Variants in MACROD2 observed in about 807,000 individuals in gnomAD.
MACROD2 encodes ADP-ribose glycohydrolase MACROD2.
In MACROD2, 36 loss-of-function variants were observed where a neutral mutation model predicts 70.4. The ratio of observed to expected loss-of-function variants is 0.51; its 90% confidence interval spans 0.39 to 0.68. The LOEUF (loss-of-function observed/expected upper bound fraction) is 0.68. MACROD2 is among the 30% of genes least tolerant of loss of function. The pLI is 0.00. For missense variants in MACROD2, 496 were observed against 538.4 expected (o/e 0.92, Z 0.78); for synonymous variants, 172 against 178.8 (o/e 0.96, Z 0.30).
chr20:16,023,707 T>C (rs73111714), intron 15 of MACROD2, among the ~76,000 whole-genome samples: 18,279 of 152,024 alleles, frequency 0.12, 1,340 homozygotes, highest in Middle Eastern at 0.19. Flanking sequence ...CTGTGAAGCA[T>C]TCTGTAGAAC....
chr20:15,645,170 C>G (rs958498714), intron 8 of MACROD2, among the ~76,000 whole-genome samples: 2 of 152,180 alleles, frequency 1.3e-5, no homozygotes, highest in African/African-American at 4.8e-5. Context: ...TTTACCTGAA[C>G]CACAGATCAG....
At chr20:14,858,871 A>G (rs1452515160) in intron 5 of MACROD2, among the ~76,000 whole-genome samples, 3 of 152,158 alleles carry the variant, frequency 2.0e-5, no homozygotes, top group Admixed American at 1.3e-4. Context: ...AGGTTGTTGT[A>G]AGGATTACAT....
At chr20:15,516,388 A>G (rs2047568022) in intron 8 of MACROD2, among the ~76,000 whole-genome samples, 2 of 152,316 alleles carry the variant, frequency 1.3e-5, no homozygotes, top group Non-Finnish European at 2.9e-5. Context: ...TTCACTGAGT[A>G]GCTGGCACAC....
At chr20:15,148,829 TTA>T (rs2076248606) in intron 5 of MACROD2, among the ~76,000 whole-genome samples, 1 of 152,052 alleles carries the variant, frequency 6.6e-6, no homozygotes, top group African/African-American at 2.4e-5. Flanking sequence ...TAAAAGACTT[TTA>T]GTCTGTTCTA....
At chr20:14,223,620 G>A (rs1430762494) in intron 3 of MACROD2, among the ~76,000 whole-genome samples, 1 of 150,012 alleles carries the variant, frequency 6.7e-6, no homozygotes, top group Non-Finnish European at 1.5e-5. Flanking sequence ...TGATTCTCCT[G>A]CCTCAGCCTC....
chr20:14,730,396 C>T (rs2123700886), intron 5 of MACROD2, among the ~76,000 whole-genome samples: 1 of 152,210 alleles, frequency 6.6e-6, no homozygotes, highest in East Asian at 1.9e-4. Context: ...TGAGAAAGGA[C>T]GACTCACCCA....
chr20:14,640,444 C>T (rs907520144), intron 4 of MACROD2, among the ~76,000 whole-genome samples: 4 of 152,074 alleles, frequency 2.6e-5, no homozygotes, highest in African/African-American at 9.7e-5. Flanking sequence ...CCCTAAGTCC[C>T]TGAGGATGCA....
At chr20:14,913,893 G>A (rs1230228609) in intron 5 of MACROD2, among the ~76,000 whole-genome samples, 3 of 144,304 alleles carry the variant, frequency 2.1e-5, no homozygotes, top group African/African-American at 7.7e-5. Context: ...CTTGGGGGAA[G>A]AATTAACCAA....
chr20:15,101,166 G>C (rs1018665681), intron 5 of MACROD2, among the ~76,000 whole-genome samples: 1 of 152,014 alleles, frequency 6.6e-6, no homozygotes, highest in African/African-American at 2.4e-5. Context: ...GCATTAAAAA[G>C]GTATTTAGAA....
chr20:15,809,029 A>G (rs1051581705), intron 8 of MACROD2, among the ~76,000 whole-genome samples: 2 of 152,252 alleles, frequency 1.3e-5, no homozygotes, highest in African/African-American at 4.8e-5. Context: ...GAGATCACTA[A>G]GCCGACAAGA....
At chr20:14,443,062 G>C (rs2122962821) in intron 3 of MACROD2, among the ~76,000 whole-genome samples, 1 of 150,892 alleles carries the variant, frequency 6.6e-6, no homozygotes, top group African/African-American at 2.4e-5. Context: ...CTGGGCAACA[G>C]AGCGAGACTC....
chr20:14,832,199 T>A (rs1032512294), intron 5 of MACROD2, among the ~76,000 whole-genome samples: 1 of 151,594 alleles, frequency 6.6e-6, no homozygotes, highest in African/African-American at 2.4e-5. Flanking sequence ...CCCGCCACCA[T>A]GGCCGGCTAA....
At chr20:14,387,153 G>A (rs2083476650) in intron 3 of MACROD2, among the ~76,000 whole-genome samples, 1 of 152,184 alleles carries the variant, frequency 6.6e-6, no homozygotes, top group Non-Finnish European at 1.5e-5. Context: ...CCAAGGCTAG[G>A]CCTCCTCAGG....
intron 10 of MACROD2, among the ~76,000 whole-genome samples, chr20:15,924,431 A>G (rs2065458002): frequency 6.6e-6 from 1 of 152,234 alleles, no homozygotes; most frequent in Non-Finnish European, 1.5e-5. Flanking sequence ...CAAGTGGAGA[A>G]CTGAAGCAGT....
intron 8 of MACROD2, among the ~76,000 whole-genome samples, chr20:15,852,092 G>A (rs888506617): frequency 3.3e-5 from 5 of 152,162 alleles, no homozygotes; most frequent in East Asian, 3.8e-4. Flanking sequence ...GTGTGTGCAC[G>A]TGTCTGTTCC....
intron 5 of MACROD2, among the ~76,000 whole-genome samples, chr20:15,159,724 G>T (rs573913593): frequency 6.6e-6 from 1 of 151,622 alleles, no homozygotes; most frequent in African/African-American, 2.4e-5. Context: ...TTATAATCTA[G>T]TAGAGGTGGT....
intron 8 of MACROD2, among the ~76,000 whole-genome samples, chr20:15,677,507 G>A (rs1487871032): frequency 2.0e-5 from 3 of 152,138 alleles, no homozygotes; most frequent in Non-Finnish European, 4.4e-5. Context: ...CACCGTGCCT[G>A]CTCTCCCAGG....
chr20:14,255,683 TAATAAATAAATAAATAAATA>T (rs199558871), intron 3 of MACROD2, among the ~76,000 whole-genome samples: 25,431 of 136,844 alleles, frequency 0.19, 2,604 homozygotes, highest in South Asian at 0.29. Context: ...CTTAAAAGTA[TAATAAATAAATAAATAAATA>T]AATAAATAAA....
chr20:15,639,633 C>G (rs2049424152), intron 8 of MACROD2, among the ~76,000 whole-genome samples: 1 of 152,182 alleles, frequency 6.6e-6, no homozygotes, highest in South Asian at 2.1e-4. Flanking sequence ...TTTTGGGTAT[C>G]TCTCCAGCCC....
Sources: allele counts gnomAD v4.1 joint callset (sites outside exome capture counted in the v4.1 genomes callset), GRCh38; gene constraint gnomAD v4.1.1; transcripts MANE v1.5; gene names NCBI Gene and HGNC (gene_info 2026-07-23, HGNC 2026-07-21).